Variants in WBP1L observed in about 807,000 individuals in gnomAD.
The protein encoded by WBP1L is WW domain binding protein 1 like, also known as WW domain binding protein 1-like.
A neutral mutation model predicts 33.7 loss-of-function variants in WBP1L; 17 were observed. The ratio of observed to expected loss-of-function variants is 0.50; its 90% CI spans 0.34 to 0.76. The LOEUF is 0.76. Among genes scored for constraint, WBP1L ranks in the 30% least tolerant of loss-of-function variants. WBP1L has a pLI of 0.01. For synonymous variants in WBP1L, 173 were observed against 190.8 expected (o/e 0.91, Z 0.77); for missense variants, 389 against 469.4 (o/e 0.83, Z 1.58).
chr10:102,811,484 A>C (rs1843842161), intron 3 of WBP1L, among the ~76,000 whole-genome samples: 1 of 152,096 alleles, frequency 6.6e-6, no homozygotes, highest in East Asian at 1.9e-4. Flanking sequence ...CTACAAAATA[A>C]ACTTTCACAA....
chr10:102,784,631 T>C (rs1240943105), intron 1 of WBP1L, among the ~76,000 whole-genome samples: 1 of 151,976 alleles, frequency 6.6e-6, no homozygotes, highest in Non-Finnish European at 1.5e-5. Flanking sequence ...TTCACCGTGT[T>C]AGCCAGGATG....
intron 2 of WBP1L, among the ~76,000 whole-genome samples, chr10:102,800,676 G>C (rs961794004): frequency 6.6e-6 from 1 of 152,190 alleles, no homozygotes; most frequent in South Asian, 2.1e-4. Flanking sequence ...GAAGTCCTCC[G>C]ATCTCCCTCT....
At chr10:102,777,339 G>A (rs2134042893) in intron 1 of WBP1L, among the ~76,000 whole-genome samples, 1 of 152,220 alleles carries the variant, frequency 6.6e-6, no homozygotes, top group South Asian at 2.1e-4. Context: ...AGCCCTAGAG[G>A]GGAGCTGCTA....
intron 3 of WBP1L, 126 bp from the exon 4 acceptor site, chr10:102,812,469 T>G (rs1188263288): frequency 1.7e-6 from 2 of 1,151,224 alleles, no homozygotes; most frequent in Admixed American, 5.2e-5. Flanking sequence ...AACCAAGAGC[T>G]GTAGCCATCA....
chr10:102,750,310 G>A (rs777152922), intron 1 of WBP1L, among the ~76,000 whole-genome samples: 5 of 151,168 alleles, frequency 3.3e-5, no homozygotes, highest in South Asian at 2.1e-4. Flanking sequence ...CAGGAGAATC[G>A]CTTGAGCCCC....
intron 1 of WBP1L, among the ~76,000 whole-genome samples, chr10:102,791,385 C>G (rs1383215401): frequency 2.6e-5 from 4 of 152,314 alleles, no homozygotes; most frequent in African/African-American, 7.2e-5. Flanking sequence ...CCTCCCACCC[C>G]CCGAATCTCT....
At chr10:102,795,827 T>A (rs753751209) in intron 1 of WBP1L, among the ~76,000 whole-genome samples, 1 of 152,200 alleles carries the variant, frequency 6.6e-6, no homozygotes, top group African/African-American at 2.4e-5. Flanking sequence ...GAAAGGCATG[T>A]TTTGCTCTGA....
intron 2 of WBP1L, chr10:102,803,980 T>C (rs1264645963): frequency 6.6e-6 from 1 of 152,050 alleles, no homozygotes; most frequent in Non-Finnish European, 1.5e-5. Context: ...CTGAGATTAG[T>C]GTGGCCCCGG....
At chr10:102,777,800 G>A (rs746651213) in intron 1 of WBP1L, among the ~76,000 whole-genome samples, 1 of 152,036 alleles carries the variant, frequency 6.6e-6, no homozygotes, top group East Asian at 1.9e-4. Flanking sequence ...CCTGACCTCC[G>A]GTGATCCGGC....
intron 1 of WBP1L, among the ~76,000 whole-genome samples, chr10:102,763,792 C>T (rs1843072472): frequency 6.6e-6 from 1 of 152,058 alleles, no homozygotes; most frequent in South Asian, 2.1e-4. Flanking sequence ...GTTTATCAAC[C>T]TTGAATTCTG....
rs1009048700 is a variant in WBP1L at position 102,775,780 on chromosome 10, G to T, written c.91-22213G>T. On this transcript the variant is annotated intron_variant, in intron 1 of 3. Transcript: ENST00000448841. ...ACTGAGCACCGACTCTGGCAGGGGTGGGGGTGGAAAAGTTTCTGTGAAACT... is the reference window on the plus strand; with the variant it reads ...ACTGAGCACCGACTCTGGCAGGGGTTGGGGTGGAAAAGTTTCTGTGAAACT... Among the ~76,000 whole-genome samples, 37 of 152,134 alleles carry T rather than the reference G, an allele frequency of 2.4e-4. 1 individual carries two copies. The highest frequency in any genetic ancestry group is 2.4e-3 in the Admixed American group (37 of 15,264).
chr10:102,765,152 T>G (rs2134034377), intron 1 of WBP1L, among the ~76,000 whole-genome samples: 1 of 152,350 alleles, frequency 6.6e-6, no homozygotes, highest in East Asian at 1.9e-4. Flanking sequence ...TCTTCTGACC[T>G]CTTAGCTGTT....
At chr10:102,787,102 A>G (rs531419903) in intron 1 of WBP1L, among the ~76,000 whole-genome samples, 1 of 152,354 alleles carries the variant, frequency 6.6e-6, no homozygotes, top group East Asian at 1.9e-4. Flanking sequence ...GCCAAACAGC[A>G]TAAAAATCCA....
At chr10:102,792,697 C>CG (rs1843519708) in intron 1 of WBP1L, among the ~76,000 whole-genome samples, 1 of 150,426 alleles carries the variant, frequency 6.6e-6, no homozygotes, top group Non-Finnish European at 1.5e-5. Flanking sequence ...CGGGTTCAAG[C>CG]GATTCTTCTG....
chr10:102,788,077 G>GAAA (rs1197997523), intron 1 of WBP1L, among the ~76,000 whole-genome samples: 1 of 136,788 alleles, frequency 7.3e-6, no homozygotes, highest in African/African-American at 2.7e-5. Flanking sequence ...CCTGCCTCAG[G>GAAA]AAAAAAAAAA....
intron 2 of WBP1L, among the ~76,000 whole-genome samples, chr10:102,803,050 C>T (rs1397335308): frequency 6.6e-6 from 1 of 152,222 alleles, no homozygotes; most frequent in Admixed American, 6.5e-5. Flanking sequence ...TGACCAAGGT[C>T]ACAAAGCTAG....
chr10:102,808,793 A>G (rs1463625049), intron 2 of WBP1L, among the ~76,000 whole-genome samples: 2 of 152,228 alleles, frequency 1.3e-5, no homozygotes, highest in Non-Finnish European at 2.9e-5. Context: ...CAGGAGAATC[A>G]TAAGACTTCT....
At chr10:102,747,823 C>A (rs1172474248) in intron 1 of WBP1L, among the ~76,000 whole-genome samples, 1 of 152,164 alleles carries the variant, frequency 6.6e-6, no homozygotes, top group Non-Finnish European at 1.5e-5. Flanking sequence ...CCACTCTGCC[C>A]AGCCTAAACA....
chr10:102,793,628 G>A (rs1444425786), intron 1 of WBP1L, among the ~76,000 whole-genome samples: 1 of 152,172 alleles, frequency 6.6e-6, no homozygotes, highest in Admixed American at 6.5e-5. Flanking sequence ...AAGGCAAAGT[G>A]CTTTTTGGAT....
Sources: gnomAD v4.1 joint callset for allele counts (sites outside exome capture counted in the v4.1 genomes callset) on GRCh38, gnomAD v4.1.1 for gene constraint, MANE v1.5 for transcripts, NCBI Gene and HGNC (gene_info 2026-07-23, HGNC 2026-07-21) for gene names.